The following VSTM2B variants were observed in gnomAD, a reference collection of about 807,000 sequenced individuals.
VSTM2B encodes the protein V-set and transmembrane domain containing 2B, also known as V-set and transmembrane domain-containing protein 2B.
A neutral mutation model predicts 24.0 loss-of-function variants in VSTM2B; 24 were observed. The observed-to-expected ratio is 1.00, with a 90% CI of 0.72 to 1.40. VSTM2B has a LOEUF of 1.40. VSTM2B is among the 40% of genes most tolerant of loss of function. The probability of loss-of-function intolerance (pLI) is 0.00; values close to 1 mark genes in which losing one functional copy is unlikely to be tolerated. For missense variants in VSTM2B, 399 were observed against 416.4 expected (o/e 0.96, Z 0.36); for synonymous variants, 226 against 194.4 (o/e 1.16, Z -1.35).
chr19:29,559,316 A>G (rs144375792), intron 4 of VSTM2B, among the ~76,000 whole-genome samples: 12,618 of 152,304 alleles, frequency 0.083, 622 homozygotes, highest in East Asian at 0.18. Context: ...TTGCAGGGAC[A>G]TGAATGAAGC....
rs528399650 is a variant in VSTM2B at position 29,539,274 on chromosome 19, G to A, written c.769+8984G>A. On this transcript the variant is annotated intron_variant, in intron 4 of 4. Coordinates refer to ENST00000335523, the MANE Select transcript of VSTM2B (RefSeq NM_001146339.2). ...AAGCTGCTCCATGTCATGCCTGGTC[G>A]TGCTTCTTTGTCATATAGGCTGCTG... 3.0e-4 allele frequency among the ~76,000 whole-genome samples: 45 copies of A among 152,254 alleles called. 1 individual carries two copies. The highest frequency in any genetic ancestry group is 1.7e-3 in the South Asian group (8 of 4,826).
intron 4 of VSTM2B, among the ~76,000 whole-genome samples, chr19:29,556,632 T>C (rs1375421341): frequency 3.3e-5 from 5 of 152,152 alleles, no homozygotes; most frequent in East Asian, 1.9e-4. Context: ...GAAAACCCCA[T>C]TGTCTCAGCC....
intron 4 of VSTM2B, among the ~76,000 whole-genome samples, chr19:29,531,030 A>G (rs1326817657): frequency 7.1e-6 from 1 of 140,986 alleles, no homozygotes; most frequent in African/African-American, 2.7e-5. Flanking sequence ...AGGCAGAAGG[A>G]GGAGAAAATG....
At chr19:29,530,679 C>T (rs775142571) in intron 4 of VSTM2B, among the ~76,000 whole-genome samples, 1 of 152,086 alleles carries the variant, frequency 6.6e-6, no homozygotes, top group Non-Finnish European at 1.5e-5. Flanking sequence ...TGAGCTATCC[C>T]CAGATGGGGG....
In VSTM2B at chr19:29,526,238, G is replaced by A. The variant is rs895766358; in HGVS notation, c.-346G>A. 1.3e-5 allele frequency among the ~76,000 whole-genome samples: 2 copies of A among 151,902 alleles called. No homozygotes were observed. The highest frequency in any genetic ancestry group is 2.4e-5 in the African/African-American group (1 of 41,370). On this transcript the variant is annotated 5_prime_UTR_variant, in exon 1 of 5. Coordinates refer to ENST00000335523, the MANE Select transcript of VSTM2B (RefSeq NM_001146339.2). This position sits in a 1 kb window ranked among gnomAD's most constrained non-coding sequence, Gnocchi z 4.1. ...ACTCCCTCGGCCAGGGATGGGTCCCGGCGCGGCCCAGCCCCTGCCCGGCCC... is the reference window on the plus strand; with the variant it reads ...ACTCCCTCGGCCAGGGATGGGTCCCAGCGCGGCCCAGCCCCTGCCCGGCCC...
At chr19:29,549,251 T>C (rs1970217304) in intron 4 of VSTM2B, among the ~76,000 whole-genome samples, 2 of 152,112 alleles carry the variant, frequency 1.3e-5, no homozygotes, top group African/African-American at 2.4e-5. Context: ...CTGGGCTCTG[T>C]AGAAGACAGC....
At position 29,530,145 on chromosome 19, in the gene VSTM2B, C is replaced by T; in HGVS notation, c.624C>T (p.Pro208=). 2.7e-6 allele frequency: 4 copies of T among 1,469,122 alleles called. No homozygotes were observed. The highest frequency in any genetic ancestry group is 1.3e-5 in the South Asian group (1 of 77,142). The allele number at this position is 1,469,122 out of a possible 1,614,324, so 91.0% of individuals were successfully genotyped here. A position where few individuals can be genotyped will look rare whatever the true frequency, so the allele number is the denominator to read the frequency against. The change falls in exon 4 of 5, where the codon CCC becomes CCT. Residue 208 remains proline (P), a synonymous_variant. Transcript: ENST00000335523. ...AGAGCCCGCCGCCCGGGAGCCCTCC[C>T]GCCGCCATCGATCCCGCAGTCCCCG... is the stretch of plus-strand genomic sequence containing the variant. The part of the protein sequence containing the change: ...GDKSPPPGSP[P]AAIDPAVPEA...
At chr19:29,548,073 G>A (rs949957434) in intron 4 of VSTM2B, among the ~76,000 whole-genome samples, 3 of 152,026 alleles carry the variant, frequency 2.0e-5, no homozygotes, top group African/African-American at 7.2e-5. Context: ...ATTGGGCATA[G>A]TGGAGGCCTG....
At chr19:29,554,014 A>G (rs977132757) in intron 4 of VSTM2B, among the ~76,000 whole-genome samples, 6 of 152,234 alleles carry the variant, frequency 3.9e-5, no homozygotes, top group Middle Eastern at 3.2e-3. Context: ...AATATCATCC[A>G]GGAGAACTTC....
chr19:29,530,318 G>A (rs1166599619), intron 4 of VSTM2B, 28 bp downstream of exon 4: 8 of 1,472,976 alleles, frequency 5.4e-6, no homozygotes, highest in African/African-American at 1.5e-5. Flanking sequence ...GGGGGCGCAC[G>A]CGCGGGGATG....
chr19:29,544,845 C>A (rs1261444048), intron 4 of VSTM2B, among the ~76,000 whole-genome samples: 1 of 152,144 alleles, frequency 6.6e-6, no homozygotes, highest in Non-Finnish European at 1.5e-5. Flanking sequence ...GTTAGACCAG[C>A]TGGGATGTCT....
In VSTM2B at chr19:29,526,405, G is replaced by A. The variant is rs370860132; in HGVS notation, c.-179G>A. On this transcript the variant is annotated 5_prime_UTR_variant, in exon 1 of 5. Coordinates refer to ENST00000335523, the MANE Select transcript of VSTM2B (RefSeq NM_001146339.2). The surrounding 1 kb of genome is among the most constrained non-coding windows in gnomAD (Gnocchi z 4.1). ...CAGCGCCCCCCGCCGGAGCCGCACC[G>A]GGCAAGCCGGCGAGGGAGCGGGGCT... is the stretch of plus-strand genomic sequence containing the variant. 9.2e-5 allele frequency: 20 copies of A among 217,886 alleles called. No individual in the cohort carries two copies. The East Asian group carries it at 1.2e-3, about 13-fold the overall frequency. The allele number at this position is 217,886 out of a possible 1,614,324, so 13.5% of individuals were successfully genotyped here. A position where few individuals can be genotyped will look rare whatever the true frequency, so the allele number is the denominator to read the frequency against.
intron 3 of VSTM2B, 28 bp downstream of exon 3, chr19:29,528,490 G>C (rs746329880): frequency 1.9e-6 from 3 of 1,550,506 alleles, no homozygotes; most frequent in Non-Finnish European, 2.6e-6. Flanking sequence ...CGCGGGCCGC[G>C]GGAGACCCCT....
chr19:29,533,307 G>A (rs1415135264), intron 4 of VSTM2B, among the ~76,000 whole-genome samples: 2 of 152,210 alleles, frequency 1.3e-5, no homozygotes, highest in African/African-American at 4.8e-5. Context: ...AGAAAGCACA[G>A]CTTGCCTGGA....
At position 29,526,136 on chromosome 19, in the gene VSTM2B, G is replaced by T. The variant is rs1197792898; in HGVS notation, c.-448G>T. Among the ~76,000 whole-genome samples, 1 of 152,078 alleles carries T rather than the reference G, an allele frequency of 6.6e-6. No homozygotes were observed. Among genetic ancestry groups the T allele is most frequent in the Non-Finnish European group, 1.5e-5 (1 of 67,992 alleles). ...GGAGGAACCGGCGGGGGCGGCTGCG[G>T]GAGCCGAAGGAGGTGGCAATCGGGA... On this transcript the variant is annotated 5_prime_UTR_variant, in exon 1 of 5. Transcript: ENST00000335523. The surrounding 1 kb of genome is among the most constrained non-coding windows in gnomAD (Gnocchi z 4.1).
intron 4 of VSTM2B, among the ~76,000 whole-genome samples, chr19:29,558,806 G>A (rs1004766246): frequency 2.6e-5 from 4 of 152,098 alleles, no homozygotes; most frequent in African/African-American, 9.7e-5. Context: ...AAACCACCAT[G>A]GCACATGTTT....
chr19:29,532,594 C>A (rs1356585214), intron 4 of VSTM2B, among the ~76,000 whole-genome samples: 1 of 152,226 alleles, frequency 6.6e-6, no homozygotes, highest in Non-Finnish European at 1.5e-5. Context: ...GTAGGTTGTG[C>A]TTCCACCACT....
In VSTM2B at chr19:29,536,393, C is replaced by T. The variant is rs7248842; in HGVS notation, c.769+6103C>T. 4.7e-4 allele frequency among the ~76,000 whole-genome samples: 72 copies of T among 152,294 alleles called. 1 individual carries two copies. The highest frequency in any genetic ancestry group is 1.7e-3 in the African/African-American group (69 of 41,558). ...TCAGACCTTGGAAAGCTTTCAGATG[C>T]CCCCTCTCTCCTTCCCAAGGTTGGA... On this transcript the variant is annotated intron_variant, in intron 4 of 4. Transcript: ENST00000335523.
In VSTM2B at chr19:29,530,022, G is replaced by A; in HGVS notation, c.501G>A (p.Gln167=). 2 of 1,533,034 alleles carry A rather than the reference G, an allele frequency of 1.3e-6. No individual in the cohort carries two copies. Among genetic ancestry groups the A allele is most frequent in the Admixed American group, 2.0e-5 (1 of 50,602 alleles). The allele number at this position is 1,533,034 out of a possible 1,614,324, so 95.0% of individuals were successfully genotyped here. A position where few individuals can be genotyped will look rare whatever the true frequency, so the allele number is the denominator to read the frequency against. ...CCGCCGAGGCCGTGTCCCACATCCA[G>A]AGCAGCGGCCCGCGTCGCCACGGCC... The part of the protein sequence containing the change: ...MQAAEAVSHI[Q]SSGPRRHGPA... Residue 167 remains glutamine, a synonymous_variant, in exon 4 of 5, where the codon CAG becomes CAA. Coordinates refer to ENST00000335523, the MANE Select transcript of VSTM2B (RefSeq NM_001146339.2).
Sources: gnomAD v4.1 joint callset for allele counts (sites outside exome capture counted in the v4.1 genomes callset) on GRCh38, gnomAD v4.1.1 for gene constraint, Gnocchi (gnomAD v3.1) non-coding constraint, MANE v1.5 for transcripts, NCBI Gene and HGNC (gene_info 2026-07-23, HGNC 2026-07-21) for gene names.